PTPRM: variants seen among roughly 807,000 people sequenced by gnomAD.
PTPRM encodes protein tyrosine phosphatase receptor type M, also known as receptor-type tyrosine-protein phosphatase mu.
In PTPRM, 47 loss-of-function variants were observed where a neutral mutation model predicts 186.7. The ratio of observed to expected loss-of-function variants is 0.25; its 90% CI spans 0.20 to 0.32. The LOEUF is 0.32. Among genes scored for constraint, PTPRM ranks in the 10% least tolerant of loss-of-function variants. The pLI, the probability that PTPRM is intolerant of heterozygous loss-of-function variation, is 1.00. For synonymous variants in PTPRM, 668 were observed against 674.9 expected (o/e 0.99, Z 0.16); for missense variants, 1,494 against 1,865.0 (o/e 0.80, Z 3.66).
chr18:8,058,854 G>A (rs2088234531), intron 7 of PTPRM, among the ~76,000 whole-genome samples: 1 of 68,428 alleles, frequency 1.5e-5, no homozygotes, highest in Admixed American at 1.4e-4. Flanking sequence ...TTTGGTTACT[G>A]TAGCCTTGTA....
At chr18:8,163,519 C>T (rs2093268673) in intron 14 of PTPRM, among the ~76,000 whole-genome samples, 1 of 152,184 alleles carries the variant, frequency 6.6e-6, no homozygotes, top group Admixed American at 6.5e-5. Flanking sequence ...GGAAGTCTGC[C>T]AAGCACAGAG....
At chr18:8,131,695 AAT>A (rs2092513228) in intron 13 of PTPRM, among the ~76,000 whole-genome samples, 1 of 152,222 alleles carries the variant, frequency 6.6e-6, no homozygotes, top group South Asian at 2.1e-4. Flanking sequence ...TATCTTATGT[AAT>A]AACCTTTTCA....
intron 7 of PTPRM, among the ~76,000 whole-genome samples, chr18:8,022,962 C>A (rs2085324680): frequency 6.6e-6 from 1 of 152,144 alleles, no homozygotes; most frequent in Admixed American, 6.5e-5. Context: ...ACCTCAGCCC[C>A]AGGAAGACTG....
intron 7 of PTPRM, among the ~76,000 whole-genome samples, chr18:8,063,906 C>G (rs2088835901): frequency 6.6e-6 from 1 of 152,160 alleles, no homozygotes; most frequent in South Asian, 2.1e-4. Flanking sequence ...TTTGGACATA[C>G]TGCATTACCT....
intron 7 of PTPRM, among the ~76,000 whole-genome samples, chr18:8,032,108 CAATT>C: frequency 6.6e-6 from 1 of 152,206 alleles, no homozygotes; most frequent in South Asian, 2.1e-4. Context: ...CACTGAAAAT[CAATT>C]AAAACTGTTA....
At chr18:7,743,514 A>C (rs2040924324) in intron 1 of PTPRM, among the ~76,000 whole-genome samples, 1 of 152,236 alleles carries the variant, frequency 6.6e-6, no homozygotes, top group African/African-American at 2.4e-5. Flanking sequence ...ATTACATGAC[A>C]AATTTTGAAT....
chr18:8,187,319 C>G (rs1237268963), intron 14 of PTPRM, among the ~76,000 whole-genome samples: 1 of 152,096 alleles, frequency 6.6e-6, no homozygotes, highest in Non-Finnish European at 1.5e-5. Flanking sequence ...GCTGTGGAAG[C>G]AACATCTGTC....
chr18:8,125,988 TATATATATATATATATATATATATATATA>T (rs2092329681), intron 13 of PTPRM, among the ~76,000 whole-genome samples: 2 of 6,326 alleles, frequency 3.2e-4, no homozygotes, highest in Non-Finnish European at 4.3e-4. Flanking sequence ...TATATATATA[TATATATATATATATATATATATATATATA>T]TATATATATA....
intron 1 of PTPRM, among the ~76,000 whole-genome samples, chr18:7,599,569 G>C (rs192024970): frequency 1.3e-5 from 2 of 152,280 alleles, no homozygotes; most frequent in East Asian, 1.9e-4. Context: ...TGTGGCTTAA[G>C]TCTGTGCATG....
chr18:7,857,852 A>G lies in PTPRM; in HGVS notation c.197-30254A>G, dbSNP rs897718918. Among the ~76,000 whole-genome samples the G allele has an allele frequency of 6.6e-5, 10 of 152,196 alleles. No homozygotes were observed. The East Asian group carries it at 1.3e-3, about 21-fold the overall frequency. On this transcript the variant is annotated intron_variant, in intron 2 of 32. Transcript: ENST00000580170. ...GAAATCAAGCTAAGATTACATCATA[A>G]TGTTCATTTCTTAGAGCTGCTGACA... is the stretch of plus-strand genomic sequence containing the variant.
At chr18:7,714,760 A>G (rs2040288589) in intron 1 of PTPRM, among the ~76,000 whole-genome samples, 2 of 152,188 alleles carry the variant, frequency 1.3e-5, no homozygotes, top group South Asian at 4.1e-4. Flanking sequence ...TAAACTAGAA[A>G]ATCTAGAAGA....
rs1598427063 is a variant in PTPRM at position 7,568,180 on chromosome 18, A to T, written c.73+289A>T. Among the ~76,000 whole-genome samples the T allele has an allele frequency of 6.6e-6, 1 of 151,864 alleles. No individual in the cohort carries two copies. The highest frequency in any genetic ancestry group is 2.1e-4 in the South Asian group (1 of 4,830). The stretch of plus-strand genomic sequence containing the variant: ...CTTCCGCGGCCTGGGCTAGTGCTCA[A>T]GGTTGGGCGGCTTGCACTCTTGAGT... On this transcript the variant is annotated intron_variant, in intron 1 of 32. Transcript: ENST00000580170. This position sits in a 1 kb window ranked among gnomAD's most constrained non-coding sequence, Gnocchi z 5.1.
chr18:7,770,314 A>G (rs1168121852), intron 1 of PTPRM, among the ~76,000 whole-genome samples: 1 of 152,192 alleles, frequency 6.6e-6, no homozygotes, highest in East Asian at 1.9e-4. Context: ...TGGCACTTCC[A>G]TGTTTAATAG....
At chr18:7,908,417 G>A in intron 4 of PTPRM, among the ~76,000 whole-genome samples, 1 of 152,098 alleles carries the variant, frequency 6.6e-6, no homozygotes, top group Non-Finnish European at 1.5e-5. Context: ...AATATTTGCA[G>A]GAGTGGCTCA....
At chr18:7,615,049 G>A (rs1237773546) in intron 1 of PTPRM, among the ~76,000 whole-genome samples, 1 of 151,592 alleles carries the variant, frequency 6.6e-6, no homozygotes, top group Non-Finnish European at 1.5e-5. Context: ...TTTTCTGTAT[G>A]TTAACATTTA....
At chr18:8,235,456 C>CTTTTTTTTTT (rs58166609) in intron 14 of PTPRM, among the ~76,000 whole-genome samples, 6 of 102,322 alleles carry the variant, frequency 5.9e-5, no homozygotes, top group Admixed American at 2.1e-4. Flanking sequence ...TCTGTGTCTT[C>CTTTTTTTTTT]TTTTTTTTTT....
rs759304121 is a variant in PTPRM at position 7,774,216 on chromosome 18, T to C, written c.141T>C (p.Asn47=). ...GYSQSEGDDF[N]WEQVNTLTKP... is the part of the protein sequence containing the mutation. ...GTCAATCTGAAGGTGATGACTTCAA[T>C]TGGGAGCAAGTGAACACCTTGACTA... The change falls in exon 2 of 33, where the codon AAT becomes AAC. Residue 47 remains asparagine (N), a synonymous_variant. Transcript: ENST00000580170. 1.5e-5 allele frequency: 25 copies of C among 1,613,860 alleles called. No individual in the cohort carries two copies. The highest frequency in any genetic ancestry group is 9.3e-5 in the African/African-American group (7 of 74,934).
chr18:8,388,438 C>T (rs375159161), intron 31 of PTPRM, among the ~76,000 whole-genome samples: 7 of 152,184 alleles, frequency 4.6e-5, no homozygotes, highest in African/African-American at 1.7e-4. Context: ...CCCGGGCCTG[C>T]AAAGTCTCCC....
chr18:8,358,354 G>A (rs1299319067), intron 23 of PTPRM, among the ~76,000 whole-genome samples: 2 of 152,082 alleles, frequency 1.3e-5, no homozygotes, highest in Non-Finnish European at 2.9e-5. Context: ...GGAGCAGGAA[G>A]CCACTGTTTG....
Sources: allele counts gnomAD v4.1 joint callset (sites outside exome capture counted in the v4.1 genomes callset), GRCh38; gene constraint gnomAD v4.1.1; non-coding constraint Gnocchi (gnomAD v3.1); transcripts MANE v1.5; gene names NCBI Gene and HGNC (gene_info 2026-07-23, HGNC 2026-07-21).